HDAC4: variants seen among roughly 807,000 people sequenced by gnomAD.
HDAC4 encodes histone deacetylase A.
HDAC4 carries 16 observed loss-of-function variants against 135.1 expected under a neutral mutation model. That is an observed-to-expected ratio of 0.12 (90% confidence interval 0.08 to 0.18). The LOEUF (loss-of-function observed/expected upper bound fraction) is 0.18, where lower values mean the gene tolerates loss of function less well. HDAC4 is among the 10% of genes least tolerant of loss of function. The pLI is 1.00. For missense variants in HDAC4, 1,143 were observed against 1,511.8 expected (o/e 0.76, Z 4.05); for synonymous variants, 685 against 653.4 (o/e 1.05, Z -0.74).
chr2:239,355,940 C>T (rs1366219386), intron 1 of HDAC4, among the ~76,000 whole-genome samples: 1 of 152,240 alleles, frequency 6.6e-6, no homozygotes, highest in Non-Finnish European at 1.5e-5. Context: ...ATTCTTCTCC[C>T]AACTGCAGAT....
chr2:239,347,618 G>C (rs982356496), intron 2 of HDAC4, among the ~76,000 whole-genome samples: 6 of 152,184 alleles, frequency 3.9e-5, no homozygotes, highest in African/African-American at 1.4e-4. Flanking sequence ...GGATTCAAGC[G>C]ATTCTCCTGC....
chr2:239,078,986 G>A (rs2035035345), intron 22 of HDAC4, among the ~76,000 whole-genome samples: 2 of 152,222 alleles, frequency 1.3e-5, no homozygotes, highest in Admixed American at 1.3e-4. Flanking sequence ...TCCCCCGGGT[G>A]GCACCAGTGT....
At chr2:239,208,390 T>C (rs1249454086) in intron 3 of HDAC4, among the ~76,000 whole-genome samples, 3 of 145,002 alleles carry the variant, frequency 2.1e-5, no homozygotes, top group Non-Finnish European at 4.5e-5. Flanking sequence ...AAACCACCTA[T>C]AAATCCAACT....
chr2:239,348,970 G>A (rs866750831), intron 2 of HDAC4, among the ~76,000 whole-genome samples: 8 of 152,198 alleles, frequency 5.3e-5, no homozygotes, highest in Middle Eastern at 3.2e-3. Flanking sequence ...ACACAGGAGA[G>A]GAAAGCCACA....
intron 3 of HDAC4, among the ~76,000 whole-genome samples, chr2:239,197,964 A>G (rs60682547): frequency 0.25 from 37,799 of 151,082 alleles, 4,751 homozygotes; most frequent in Middle Eastern, 0.27. Context: ...AATGATTCTC[A>G]TGCCTTGCCT....
intron 2 of HDAC4, among the ~76,000 whole-genome samples, chr2:239,252,983 A>G (rs1222523777): frequency 2.6e-5 from 4 of 152,228 alleles, no homozygotes; most frequent in African/African-American, 7.2e-5. Flanking sequence ...GGCGGCCCGC[A>G]CTGCACACTT....
chr2:239,353,481 C>A (rs1342354132), intron 1 of HDAC4, among the ~76,000 whole-genome samples: 1 of 152,234 alleles, frequency 6.6e-6, no homozygotes, highest in African/African-American at 2.4e-5. Context: ...TTTTGGTTTG[C>A]GTATTTAGGT....
chr2:239,178,547 T>C (rs527301643), intron 4 of HDAC4, among the ~76,000 whole-genome samples: 71 of 152,206 alleles, frequency 4.7e-4, no homozygotes, highest in African/African-American at 1.7e-3. Flanking sequence ...TGCACCCAGA[T>C]ACGTTTTCTT....
At chr2:239,053,234 C>T in intron 26 of HDAC4, 98 bp from the exon 27 acceptor site, 1 of 1,495,042 alleles carries the variant, frequency 6.7e-7, no homozygotes, top group Non-Finnish European at 9.2e-7. Context: ...GCTGCCCCAC[C>T]CGCCAGCCTA....
Position 239,267,746 on chromosome 2 carries a change from G to T in HDAC4, c.23-31082C>A, listed in dbSNP as rs908983754. Among the ~76,000 whole-genome samples, 3 of 152,246 alleles carry T rather than the reference G, an allele frequency of 2.0e-5. No individual in the cohort carries two copies. In the East Asian group the frequency reaches 5.8e-4, roughly 29 times the overall value. On this transcript the variant is annotated intron_variant, in intron 2 of 26. Transcript: ENST00000543185. ...GACGAGGCCCCTCACGAAGAGCTCT[G>T]CCCTGGGGCAGGTCCTCTGCATCCC...
chr2:239,341,257 C>T (rs981145677), intron 2 of HDAC4, among the ~76,000 whole-genome samples: 1 of 152,370 alleles, frequency 6.6e-6, no homozygotes, highest in East Asian at 1.9e-4. Flanking sequence ...AGACGTGGGG[C>T]GAAGGCCGCC....
At chr2:239,122,773 C>G (rs2039804497) in intron 12 of HDAC4, among the ~76,000 whole-genome samples, 1 of 152,172 alleles carries the variant, frequency 6.6e-6, no homozygotes, top group Admixed American at 6.5e-5. Flanking sequence ...TTTTTATTCA[C>G]AGTGATGTTT....
In HDAC4 at chr2:239,227,052, G is replaced by A. The variant is rs890117807; in HGVS notation, c.94+9541C>T. On this transcript the variant is annotated intron_variant, in intron 3 of 26. Transcript: ENST00000543185. ...ATGCTGGAAGTCAGAAAGGATCTGG[G>A]TGAATAAGGTATCAGAGACAGCAAA... Among the ~76,000 whole-genome samples the A allele has an allele frequency of 9.2e-5, 14 of 152,364 alleles. No homozygotes were observed. In the South Asian group the frequency reaches 2.1e-3, roughly 23 times the overall value.
Position 239,066,855 on chromosome 2 carries a change from C to G in HDAC4, c.2870G>C (p.Cys957Ser). The part of the protein sequence containing the change: ...PLGGYNLSAR[C>S]FGYLTKQLMG... The stretch of plus-strand genomic sequence containing the variant: ...CAGCTGCTTCGTCAGGTACCCGAAG[C>G]CTGCAACGGGAAACGGGAGACTGCA... Residue 957 changes from cysteine (C) to serine (S), a missense_variant and splice_region_variant, in exon 24 of 27, where the codon TGC becomes TCC. This residue lies in a region of HDAC4 where 189 missense variants were observed against 317.6 expected (regional missense o/e 0.60). Coordinates refer to ENST00000543185, the MANE Select transcript of HDAC4 (RefSeq NM_001378414.1). 6.2e-7 allele frequency: 1 copy of G among 1,612,956 alleles called. No individual in the cohort carries two copies. Among genetic ancestry groups the G allele is most frequent in the Non-Finnish European group, 8.5e-7 (1 of 1,179,656 alleles).
intron 3 of HDAC4, 77 bp downstream of exon 3, chr2:239,236,516 C>A: frequency 1.7e-6 from 2 of 1,201,854 alleles, no homozygotes; most frequent in South Asian, 2.6e-5. Flanking sequence ...TGCACTCCTC[C>A]AATAAGGCAG....
intron 22 of HDAC4, among the ~76,000 whole-genome samples, chr2:239,075,428 C>T (rs755908516): frequency 2.6e-5 from 4 of 151,944 alleles, no homozygotes; most frequent in East Asian, 1.9e-4. Flanking sequence ...GTCCACTGAT[C>T]GTCAGCTCAA....
Position 239,167,252 on chromosome 2 carries a change from G to A in HDAC4, c.491-3329C>T, listed in dbSNP as rs2043171649. 6.6e-6 allele frequency among the ~76,000 whole-genome samples: 1 copy of A among 152,178 alleles called. No homozygotes were observed. Among genetic ancestry groups the A allele is most frequent in the Non-Finnish European group, 1.5e-5 (1 of 68,020 alleles). On this transcript the variant is annotated intron_variant, in intron 5 of 26. Transcript: ENST00000543185. The surrounding 1 kb of genome is among the most constrained non-coding windows in gnomAD (Gnocchi z 4.1). The stretch of plus-strand genomic sequence containing the variant: ...CTGTGGATCCACTGGCCCTCCACGG[G>A]GGAGGGTGCGCACTCCAGGAACAGG...
At chr2:239,223,514 A>T (rs1246883991) in intron 3 of HDAC4, among the ~76,000 whole-genome samples, 1 of 152,338 alleles carries the variant, frequency 6.6e-6, no homozygotes, top group African/African-American at 2.4e-5. Context: ...GCAGCTTGAT[A>T]AAAAGTGACT....
chr2:239,059,685 G>A (rs984841792), intron 24 of HDAC4, among the ~76,000 whole-genome samples: 1 of 152,110 alleles, frequency 6.6e-6, no homozygotes, highest in Non-Finnish European at 1.5e-5. Context: ...GTAAACCTGC[G>A]GCCTAGGAGA....
Sources: gnomAD v4.1 joint callset for allele counts (sites outside exome capture counted in the v4.1 genomes callset) on GRCh38, gnomAD v4.1.1 for gene constraint, gnomAD v4.1.1 regional missense constraint, Gnocchi (gnomAD v3.1) non-coding constraint, MANE v1.5 for transcripts, NCBI Gene and HGNC (gene_info 2026-07-23, HGNC 2026-07-21) for gene names.